THSD7A: variants seen among roughly 807,000 people sequenced by gnomAD.
The protein encoded by THSD7A is thrombospondin type 1 domain containing 7A, also known as thrombospondin type-1 domain-containing protein 7A.
In THSD7A, 96 loss-of-function variants were observed where a neutral mutation model predicts 231.3. That is an observed-to-expected ratio of 0.41 (90% CI 0.35 to 0.49). The LOEUF (loss-of-function observed/expected upper bound fraction) is 0.49, where lower values mean the gene tolerates loss of function less well. Among genes scored for constraint, THSD7A ranks in the 20% least tolerant of loss-of-function variants. THSD7A has a pLI of 0.05. For missense variants in THSD7A, 2,290 were observed against 2,070.2 expected (o/e 1.11, Z -2.06); for synonymous variants, 940 against 743.3 (o/e 1.26, Z -4.30).
intron 23 of THSD7A, among the ~76,000 whole-genome samples, chr7:11,395,067 T>C (rs1360100876): frequency 6.6e-6 from 1 of 151,644 alleles, no homozygotes; most frequent in Non-Finnish European, 1.5e-5. Context: ...TATATTCAGG[T>C]GACCCATCTC....
chr7:11,810,393 G>T (rs546329969), intron 1 of THSD7A, among the ~76,000 whole-genome samples: 1 of 152,118 alleles, frequency 6.6e-6, no homozygotes, highest in Non-Finnish European at 1.5e-5. Context: ...CAGATAAGCT[G>T]GTCACTCCCC....
chr7:11,708,487 T>C (rs1295599150), intron 1 of THSD7A, among the ~76,000 whole-genome samples: 1 of 150,714 alleles, frequency 6.6e-6, no homozygotes, highest in Non-Finnish European at 1.5e-5. Context: ...GAATAGAAAA[T>C]TAGCAACTTG....
chr7:11,804,313 T>C (rs1784348333), intron 1 of THSD7A, among the ~76,000 whole-genome samples: 1 of 152,164 alleles, frequency 6.6e-6, no homozygotes, highest in Non-Finnish European at 1.5e-5. Context: ...AGTTCTCTGA[T>C]TAAAATATGT....
chr7:11,573,332 C>T (rs983420368), intron 4 of THSD7A, among the ~76,000 whole-genome samples: 2 of 152,202 alleles, frequency 1.3e-5, no homozygotes, highest in African/African-American at 4.8e-5. Flanking sequence ...TCTGTCCTTT[C>T]CCTCCAGTGT....
intron 8 of THSD7A, among the ~76,000 whole-genome samples, chr7:11,472,708 C>T (rs762253250): frequency 2.0e-5 from 3 of 152,112 alleles, no homozygotes; most frequent in Non-Finnish European, 2.9e-5. Context: ...TAGGCGTGTA[C>T]ATATGTACAT....
intron 1 of THSD7A, among the ~76,000 whole-genome samples, chr7:11,703,957 A>G (rs1480873612): frequency 1.3e-5 from 2 of 151,224 alleles, no homozygotes; most frequent in Non-Finnish European, 3.0e-5. Flanking sequence ...AATTGGCAAC[A>G]GACACAGACT....
intron 11 of THSD7A, 64 bp downstream of exon 11, chr7:11,460,598 T>G (rs918429830): frequency 4.2e-5 from 55 of 1,323,572 alleles, no homozygotes; most frequent in Non-Finnish European, 5.6e-5. Flanking sequence ...AAGTGGCAAA[T>G]GCATCAAAAC....
intron 1 of THSD7A, among the ~76,000 whole-genome samples, chr7:11,654,808 A>G (rs1453554384): frequency 6.6e-6 from 1 of 151,960 alleles, no homozygotes; most frequent in Non-Finnish European, 1.5e-5. Flanking sequence ...ATTTTAAAAT[A>G]TAACATATAT....
chr7:11,777,871 C>T (rs930413645), intron 1 of THSD7A, among the ~76,000 whole-genome samples: 2 of 151,956 alleles, frequency 1.3e-5, no homozygotes, highest in African/African-American at 4.8e-5. Context: ...AAGCCCTGGC[C>T]GGGAGCGGTG....
intron 14 of THSD7A, among the ~76,000 whole-genome samples, chr7:11,427,817 T>C (rs1784367795): frequency 6.6e-6 from 1 of 152,162 alleles, no homozygotes; most frequent in African/African-American, 2.4e-5. Flanking sequence ...CTTAGCATCT[T>C]AGAAATGCAA....
In THSD7A at chr7:11,372,716, A is replaced by G. The variant is rs1782103932; in HGVS notation, c.*3078T>C. On this transcript the variant is annotated 3_prime_UTR_variant, in exon 28 of 28. Transcript: ENST00000423059. ...AGGGAACAGCAGTTCTACATCTTTT[A>G]CCCCCTCGGTGAGGTAAAAGTGTCA... 1 of 151,802 alleles carries G rather than the reference A, an allele frequency of 6.6e-6. No individual in the cohort carries two copies. The highest frequency in any genetic ancestry group is 6.6e-5 in the Admixed American group (1 of 15,188). 9.4% of individuals were successfully genotyped at this position (151,802 alleles called of 1,614,324 possible).
chr7:11,435,493 A>G (rs550458265), intron 13 of THSD7A, among the ~76,000 whole-genome samples: 3 of 152,186 alleles, frequency 2.0e-5, no homozygotes, highest in African/African-American at 2.4e-5. Flanking sequence ...ATTTAACCAC[A>G]TGGCCAATGA....
chr7:11,821,049 GC>G (rs1237706166), intron 1 of THSD7A: 5 of 980,342 alleles, frequency 5.1e-6, no homozygotes, highest in Non-Finnish European at 8.0e-6. Flanking sequence ...TTCATCACGA[GC>G]CAAACCATGT....
intron 1 of THSD7A, among the ~76,000 whole-genome samples, chr7:11,830,526 A>G (rs1785161901): frequency 6.6e-6 from 1 of 152,232 alleles, no homozygotes. Context: ...CTGATCTTCA[A>G]ACTTAAGGTG....
chr7:11,399,004 C>T (rs1039373039), intron 23 of THSD7A, among the ~76,000 whole-genome samples: 8 of 152,170 alleles, frequency 5.3e-5, no homozygotes, highest in African/African-American at 1.9e-4. Flanking sequence ...TGGGACTAGG[C>T]CGCCTTCTAC....
chr7:11,635,923 A>G (rs974158210), intron 2 of THSD7A, among the ~76,000 whole-genome samples: 3 of 152,134 alleles, frequency 2.0e-5, no homozygotes, highest in African/African-American at 7.2e-5. Flanking sequence ...AAATCAAAAT[A>G]ACTCAAGTAA....
chr7:11,636,355 G>A lies in THSD7A; in HGVS notation c.797C>T (p.Pro266Leu), dbSNP rs367820184. 119 of 1,613,678 alleles carry A rather than the reference G, an allele frequency of 7.4e-5. 1 individual carries two copies. The highest frequency in any genetic ancestry group is 4.9e-4 in the South Asian group (45 of 91,082). ...HVGPWSTCSM[P>L]HSRQVRQARR... ...TGCTTGTCTTACTTGTCGGGAGTGG[G>A]GCATTGAGCAGGTGCTCCAGGGCCC... is the stretch of plus-strand genomic sequence containing the variant. Residue 266 changes from proline (P) to leucine (L), a missense_variant, in exon 2 of 28, where the codon CCC (proline) becomes CTC (leucine). Transcript: ENST00000423059. This position sits in a 1 kb window ranked among gnomAD's most constrained non-coding sequence, Gnocchi z 10.0.
chr7:11,595,434 A>T (rs1780326499), intron 2 of THSD7A, among the ~76,000 whole-genome samples: 1 of 152,158 alleles, frequency 6.6e-6, no homozygotes, highest in African/African-American at 2.4e-5. Flanking sequence ...TCTGCATTTA[A>T]TGTTCCAGCT....
chr7:11,759,664 G>A (rs1038960482), intron 1 of THSD7A, among the ~76,000 whole-genome samples: 3 of 151,816 alleles, frequency 2.0e-5, no homozygotes, highest in South Asian at 2.1e-4. Context: ...ACACACACAC[G>A]ATTACCTAAT....
Sources: gnomAD v4.1 joint callset for allele counts (sites outside exome capture counted in the v4.1 genomes callset) on GRCh38, gnomAD v4.1.1 for gene constraint, Gnocchi (gnomAD v3.1) non-coding constraint, MANE v1.5 for transcripts, NCBI Gene and HGNC (gene_info 2026-07-23, HGNC 2026-07-21) for gene names.